The following TASP1 variants were observed in gnomAD, a reference collection of about 807,000 sequenced individuals.
TASP1 encodes the protein threonine aspartase 1.
TASP1 carries 16 observed loss-of-function variants against 56.6 expected under a neutral mutation model. That is an observed-to-expected ratio of 0.28 (90% CI 0.19 to 0.43). TASP1 has a LOEUF of 0.43. TASP1 is among the 20% of genes least tolerant of loss of function. TASP1 has a pLI of 1.00. For missense variants in TASP1, 393 were observed against 511.6 expected (o/e 0.77, Z 2.24); for synonymous variants, 179 against 184.2 (o/e 0.97, Z 0.23).
the TASP1 span, among the ~76,000 whole-genome samples, chr20:13,151,003 A>G: frequency 1.3e-5 from 2 of 152,060 alleles, no homozygotes; most frequent in Non-Finnish European, 2.9e-5. Flanking sequence ...GCAATTTTAC[A>G]TCCATTTGTG....
At chr20:13,486,198 T>C (rs1317017148) in intron 10 of TASP1, among the ~76,000 whole-genome samples, 1 of 152,148 alleles carries the variant, frequency 6.6e-6, no homozygotes, top group African/African-American at 2.4e-5. Context: ...AGAGCTGAAG[T>C]GTGATTCAAA....
At chr20:13,129,151 G>C in the TASP1 span, among the ~76,000 whole-genome samples, 668 of 152,176 alleles carry the variant, frequency 4.4e-3, 7 homozygotes, top group African/African-American at 0.015. Context: ...ACAGGCACGA[G>C]CCACCACACC....
At chr20:13,562,915 A>ATATATG (rs1268813401) in intron 7 of TASP1, among the ~76,000 whole-genome samples, 6 of 128,684 alleles carry the variant, frequency 4.7e-5, no homozygotes, top group African/African-American at 1.8e-4. Context: ...ACATATATAT[A>ATATATG]TGTGTGTGTG....
At chr20:13,204,571 G>T in the TASP1 span, among the ~76,000 whole-genome samples, 2 of 144,594 alleles carry the variant, frequency 1.4e-5, no homozygotes, top group Non-Finnish European at 3.0e-5. Flanking sequence ...ACGGAGTCTC[G>T]CCCTGTTGCC....
the TASP1 span, chr20:13,270,870 A>G: frequency 8.4e-6 from 7 of 830,618 alleles, no homozygotes; most frequent in Non-Finnish European, 1.3e-5. Context: ...CCTGCTTAAG[A>G]TCATGTTATC....
At chr20:13,408,604 A>T (rs1307724451) in intron 13 of TASP1, among the ~76,000 whole-genome samples, 3 of 152,180 alleles carry the variant, frequency 2.0e-5, no homozygotes, top group Non-Finnish European at 4.4e-5. Context: ...TCTGATATAA[A>T]ATGCCAGTGA....
chr20:13,492,711 C>T (rs1224099968), intron 10 of TASP1, among the ~76,000 whole-genome samples: 1 of 152,182 alleles, frequency 6.6e-6, no homozygotes, highest in Admixed American at 6.6e-5. Flanking sequence ...CTGTAATCCA[C>T]AACTTGTCTC....
the TASP1 span, chr20:13,279,700 C>A: frequency 6.2e-7 from 1 of 1,614,016 alleles, no homozygotes; most frequent in South Asian, 1.1e-5. Flanking sequence ...GGAGAATAAG[C>A]CCAGCTGGTC....
At chr20:13,380,279 G>C in the TASP1 span, among the ~76,000 whole-genome samples, 1 of 152,116 alleles carries the variant, frequency 6.6e-6, no homozygotes, top group Non-Finnish European at 1.5e-5. Flanking sequence ...CTTTTTGTTG[G>C]TGTTAATGCT....
At chr20:13,472,177 C>A (rs776128162) in intron 11 of TASP1, among the ~76,000 whole-genome samples, 1 of 150,660 alleles carries the variant, frequency 6.6e-6, no homozygotes, top group Non-Finnish European at 1.5e-5. Flanking sequence ...AGAAATAACA[C>A]CATGCATCTA....
At chr20:13,550,869 G>A (rs543212139) in intron 8 of TASP1, among the ~76,000 whole-genome samples, 1 of 152,196 alleles carries the variant, frequency 6.6e-6, no homozygotes, top group Middle Eastern at 3.4e-3. Context: ...GGAACAATCT[G>A]AGGAAAACAT....
the TASP1 span, among the ~76,000 whole-genome samples, chr20:13,204,363 C>T: frequency 6.6e-6 from 1 of 152,168 alleles, no homozygotes; most frequent in East Asian, 1.9e-4. Context: ...TCCGGGATCC[C>T]TTGTTGGAGT....
intron 7 of TASP1, among the ~76,000 whole-genome samples, chr20:13,562,736 G>T (rs1260739044): frequency 6.6e-6 from 1 of 151,406 alleles, no homozygotes; most frequent in East Asian, 2.0e-4. Context: ...AATTAGCCAG[G>T]CATGGTGGCA....
the TASP1 span, among the ~76,000 whole-genome samples, chr20:13,188,964 A>C: frequency 6.5e-3 from 990 of 152,312 alleles, 19 homozygotes; most frequent in African/African-American, 0.022. Flanking sequence ...CACTGCATTC[A>C]AATAAGGCAA....
chr20:13,414,619 C>T (rs1253308929), intron 13 of TASP1, among the ~76,000 whole-genome samples: 2 of 152,122 alleles, frequency 1.3e-5, no homozygotes, highest in South Asian at 2.1e-4. Context: ...GTTTCTATTA[C>T]AGTAGTCCAT....
At chr20:13,626,029 A>T (rs2048875154) in intron 2 of TASP1, among the ~76,000 whole-genome samples, 1 of 152,254 alleles carries the variant, frequency 6.6e-6, no homozygotes, top group Non-Finnish European at 1.5e-5. Flanking sequence ...AACTCTCTTA[A>T]TTAGGCCTCT....
At chr20:13,593,376 C>T (rs985614273) in intron 4 of TASP1, among the ~76,000 whole-genome samples, 5 of 152,070 alleles carry the variant, frequency 3.3e-5, no homozygotes, top group African/African-American at 1.2e-4. Context: ...GTGGAGGCCA[C>T]GGAGGGTGAG....
At chr20:13,414,646 T>C (rs2042195640) in intron 13 of TASP1, among the ~76,000 whole-genome samples, 2 of 152,308 alleles carry the variant, frequency 1.3e-5, no homozygotes, top group Admixed American at 6.5e-5. Flanking sequence ...TGGGTGTTTA[T>C]TAAAAACTCT....
the TASP1 span, among the ~76,000 whole-genome samples, chr20:13,310,910 G>C: frequency 5.3e-5 from 8 of 152,122 alleles, no homozygotes; most frequent in Non-Finnish European, 5.9e-5. Flanking sequence ...AAAATATAAA[G>C]AGGCCAGGCA....
Sources: gnomAD v4.1 joint callset for allele counts (sites outside exome capture counted in the v4.1 genomes callset) on GRCh38, gnomAD v4.1.1 for gene constraint, MANE v1.5 for transcripts, NCBI Gene and HGNC (gene_info 2026-07-23, HGNC 2026-07-21) for gene names.